LHX3: variants seen among roughly 807,000 people sequenced by gnomAD.
LHX3 encodes the protein LIM/homeobox protein Lhx3.
In LHX3, 21 loss-of-function variants were observed where a neutral mutation model predicts 32.4. The observed-to-expected ratio is 0.65, with a 90% CI of 0.46 to 0.93. LHX3 has a LOEUF of 0.93. LHX3 is among the 40% of genes least tolerant of loss of function. The pLI is 0.00. For synonymous variants in LHX3, 258 were observed against 246.8 expected, an observed-to-expected ratio of 1.05 and a Z score of -0.43; for missense variants, 626 against 560.0, an observed-to-expected ratio of 1.12 and a Z score of -1.19.
chr9:136,201,674 T>C (rs1831642561), intron 1 of LHX3: 1 of 988,708 alleles, frequency 1.0e-6, no homozygotes, highest in African/African-American at 1.7e-5. Context: ...CATCTCCCAG[T>C]GGGTGAGAGA....
chr9:136,201,095 A>C, intron 1 of LHX3: 5 of 1,378,050 alleles, frequency 3.6e-6, no homozygotes, highest in African/African-American at 1.5e-5. Flanking sequence ...TCAAATGAAA[A>C]CCCCACCCCA....
chr9:136,203,011 G>T, intron 1 of LHX3: 1 of 1,523,400 alleles, frequency 6.6e-7, no homozygotes. Flanking sequence ...CGACTCCCGG[G>T]CCGGGCCCAG....
At chr9:136,200,328 G>A in intron 2 of LHX3, 1 of 578,680 alleles carries the variant, frequency 1.7e-6, no homozygotes, top group Non-Finnish European at 3.1e-6. Context: ...TGTGATTTAG[G>A]TAATAAATTG....
intron 5 of LHX3, 24 bp from the exon 6 acceptor site, chr9:136,197,767 T>G (rs1831534005): frequency 6.3e-7 from 1 of 1,597,650 alleles, no homozygotes; most frequent in African/African-American, 1.3e-5. Context: ...AGAGGCTCAG[T>G]CAGCGCCTGC....
chr9:136,200,207 G>A (rs1477241164), intron 2 of LHX3: 8 of 560,900 alleles, frequency 1.4e-5, no homozygotes, highest in Non-Finnish European at 2.6e-5. Context: ...AAGGCCACTG[G>A]GCCAGAGCCG....
intron 1 of LHX3, chr9:136,201,554 C>T: frequency 9.2e-7 from 1 of 1,091,652 alleles, no homozygotes; most frequent in Non-Finnish European, 1.1e-6. Context: ...TGAGGACTCC[C>T]TCTTCACTTA....
intron 2 of LHX3, 125 bp from the exon 3 acceptor site, chr9:136,200,005 C>A: frequency 9.5e-7 from 1 of 1,052,376 alleles, no homozygotes; most frequent in East Asian, 2.6e-5. Context: ...TCCGGCCCTG[C>A]AGGGTGGTCG....
intron 3 of LHX3, 111 bp downstream of exon 3, chr9:136,199,567 C>G (rs2131034181): frequency 1.7e-6 from 2 of 1,175,394 alleles, no homozygotes; most frequent in African/African-American, 3.0e-5. Context: ...TAGCCCAGGC[C>G]CCCTTAGTGA....
chr9:136,197,250 A>G lies in LHX3; in HGVS notation c.*75T>C. 1 of 1,525,580 alleles carries G rather than the reference A, an allele frequency of 6.6e-7. No homozygotes were observed. Among genetic ancestry groups the G allele is most frequent in the Non-Finnish European group, 9.0e-7 (1 of 1,110,558 alleles). 94.5% of individuals were successfully genotyped at this position (1,525,580 alleles called of 1,614,324 possible). A position where few individuals can be genotyped will look rare whatever the true frequency, so the allele number is the denominator to read the frequency against. Reference sequence around the variant, plus strand: ...TGACGCCCTGGCCCCACTTCCTCGGAAACCCCAGCAGCCCCGAGCCGCCCA... The same window carrying G: ...TGACGCCCTGGCCCCACTTCCTCGGGAACCCCAGCAGCCCCGAGCCGCCCA... On this transcript the variant is annotated 3_prime_UTR_variant, in exon 6 of 6. Coordinates refer to ENST00000371748, the MANE Select transcript of LHX3 (RefSeq NM_178138.6).
intron 1 of LHX3, among the ~76,000 whole-genome samples, chr9:136,204,388 C>T (rs1215832656): frequency 6.6e-6 from 1 of 151,874 alleles, no homozygotes; most frequent in Non-Finnish European, 1.5e-5. Context: ...TGAGTGTCAG[C>T]TGCTGCCGAA....
At position 136,197,397 on chromosome 9, in the gene LHX3, G is replaced by T. The variant is rs754865914; in HGVS notation, c.1122C>A (p.Ser374Arg). 41 of 1,610,482 alleles carry T rather than the reference G, an allele frequency of 2.5e-5. No homozygotes were observed. The highest frequency in any genetic ancestry group is 3.5e-5 in the Non-Finnish European group (41 of 1,179,222). ...CAGGGAAGTCGGGGTAACCCCCGCT[G>T]CTCCCCGTGGATAGGTCAGAACTGG... ...NGPSSDLSTGSSGGYPDFPAS... is the reference protein window; with the variant it reads ...NGPSSDLSTGRSGGYPDFPAS... The change falls in exon 6 of 6, where the codon AGC becomes AGA. Residue 374 changes from serine to arginine, a missense_variant. By Grantham distance (110) the Ser-to-Arg change is moderately radical. Transcript: ENST00000371748.
chr9:136,203,755 G>C (rs1045598829), intron 1 of LHX3, among the ~76,000 whole-genome samples: 1 of 152,350 alleles, frequency 6.6e-6, no homozygotes, highest in South Asian at 2.1e-4. Context: ...ACCTCGGGTC[G>C]TGAGGGGCCG....
rs762995430 is a variant in LHX3, at chr9:136,198,952, C to A, written c.562G>T (p.Glu188Ter). ...TSPKPARHVR[E>*]QLSSETGLDM... ...AGGCCCGTCTCGGACGAGAGCTGCT[C>A]GCGCACGTGGCGCGCCGGCTTGGGC... The change falls in exon 4 of 6, where the codon GAG (glutamate) becomes TAG (stop). Residue 188 changes from glutamate to a stop codon, truncating the protein, a stop_gained. Coordinates refer to ENST00000371748, the MANE Select transcript of LHX3 (RefSeq NM_178138.6). LOFTEE classifies it high-confidence loss of function. The A allele has an allele frequency of 1.3e-6, 2 of 1,588,046 alleles. No individual in the cohort carries two copies. The highest frequency in any genetic ancestry group is 1.7e-5 in the Admixed American group (1 of 58,200).
At chr9:136,203,970 C>A (rs1481043095) in intron 1 of LHX3, among the ~76,000 whole-genome samples, 1 of 152,240 alleles carries the variant, frequency 6.6e-6, no homozygotes, top group East Asian at 1.9e-4. Flanking sequence ...TGGGCAGCCA[C>A]CCGGGGAAGA....
rs1831599311 is a variant in LHX3 at position 136,199,948 on chromosome 9, G to A, written c.252-68C>T. On this transcript the variant is annotated intron_variant, in intron 2 of 5. Coordinates refer to ENST00000371748, the MANE Select transcript of LHX3 (RefSeq NM_178138.6). Reference sequence around the variant, plus strand: ...CTCATTTCGCCCCGAGCGGGTTGGAGAGAGGCAAGCGGCTGCCTGGGAAGG... The same window carrying A: ...CTCATTTCGCCCCGAGCGGGTTGGAAAGAGGCAAGCGGCTGCCTGGGAAGG... 6 of 1,498,056 alleles carry A rather than the reference G, an allele frequency of 4.0e-6. No homozygotes were observed. In the South Asian group the frequency reaches 7.2e-5, roughly 18 times the overall value. 92.8% of individuals were successfully genotyped at this position (1,498,056 alleles called of 1,614,324 possible). A position where few individuals can be genotyped will look rare whatever the true frequency, so the allele number is the denominator to read the frequency against.
intron 1 of LHX3, chr9:136,201,494 G>A: frequency 8.4e-7 from 1 of 1,194,212 alleles, no homozygotes; most frequent in Non-Finnish European, 1.0e-6. Context: ...GTCCAAGGGT[G>A]CCCTGTGGGA....
chr9:136,202,678 G>C (rs954300712), intron 1 of LHX3, among the ~76,000 whole-genome samples: 1 of 152,158 alleles, frequency 6.6e-6, no homozygotes, highest in African/African-American at 2.4e-5. Context: ...CTGGCTCCGG[G>C]CTGCAGAGGT....
chr9:136,197,494 G>A lies in LHX3; in HGVS notation c.1025C>T (p.Thr342Ile), dbSNP rs1200121474. The A allele has an allele frequency of 5.1e-6, 8 of 1,556,618 alleles. No homozygotes were observed. The highest frequency in any genetic ancestry group is 1.4e-5 in the African/African-American group (1 of 73,476). ...PLLSSLVYPD[T>I]SLGLVPSGAP... ...TCCCGAGGGCACAAGGCCCAAGCTG[G>A]TGTCTGGGTACACCAGGCTGGAGAG... Residue 342 changes from threonine to isoleucine, a missense_variant, in exon 6 of 6, where the codon ACC (threonine) becomes ATC (isoleucine). Physicochemically the swap from Thr to Ile is moderately conservative, Grantham distance 89. Coordinates refer to ENST00000371748, the MANE Select transcript of LHX3 (RefSeq NM_178138.6).
chr9:136,200,092 C>A, intron 2 of LHX3: 1 of 683,022 alleles, frequency 1.5e-6, no homozygotes, highest in Non-Finnish European at 2.6e-6. Context: ...CTCGGGGAGC[C>A]CAGCCGCCAT....
Sources: allele counts gnomAD v4.1 joint callset (sites outside exome capture counted in the v4.1 genomes callset), GRCh38; gene constraint gnomAD v4.1.1; transcripts MANE v1.5; gene names NCBI Gene and HGNC (gene_info 2026-07-23, HGNC 2026-07-21).